Variants in TBL1XR1 observed in about 807,000 individuals in gnomAD.
TBL1XR1 encodes the protein TBL1X/Y related 1, also known as F-box-like/WD repeat-containing protein TBL1XR1.
TBL1XR1 carries 5 observed loss-of-function variants against 66.9 expected under a neutral mutation model. That is an observed-to-expected ratio of 0.07 (90% CI 0.04 to 0.16). TBL1XR1 has a LOEUF of 0.16. TBL1XR1 is among the 10% of genes least tolerant of loss of function. TBL1XR1 has a pLI of 1.00. For synonymous variants in TBL1XR1, 210 were observed against 206.0 expected (o/e 1.02, Z -0.17); for missense variants, 238 against 623.2 (o/e 0.38, Z 6.58).
intron 1 of TBL1XR1, chr3:177,131,509 T>TA: frequency 3.7e-6 from 1 of 267,726 alleles, no homozygotes; most frequent in Non-Finnish European, 4.9e-6. Flanking sequence ...ATTCTGAATA[T>TA]CTTTTTTTTT....
chr3:177,138,580 A>G (rs777379938), intron 1 of TBL1XR1, among the ~76,000 whole-genome samples: 6 of 149,782 alleles, frequency 4.0e-5, no homozygotes, highest in Non-Finnish European at 5.9e-5. Context: ...TGACAGAGCA[A>G]GACCCTGTCT....
chr3:177,069,800 GGAAGGAA>G (rs1453503973), intron 2 of TBL1XR1, among the ~76,000 whole-genome samples: 5 of 92,292 alleles, frequency 5.4e-5, no homozygotes, highest in Non-Finnish European at 1.2e-4. Context: ...AGGAAAGGAA[GGAAGGAA>G]GGAAGGAAGG....
upstream of TBL1XR1, among the ~76,000 whole-genome samples, chr3:177,198,898 ACACACACACTACT>A (rs1286193690): frequency 5.4e-5 from 6 of 110,426 alleles, no homozygotes; most frequent in African/African-American, 1.9e-4. Context: ...ACACACACAC[ACACACACACTACT>A]CGTAACTTGC....
At chr3:177,070,353 T>C (rs193202468) in intron 2 of TBL1XR1, among the ~76,000 whole-genome samples, 19 of 152,202 alleles carry the variant, frequency 1.2e-4, no homozygotes, top group Middle Eastern at 6.8e-3. Context: ...TAGGAAATAA[T>C]AAATATGTAT....
At chr3:177,055,605 A>T (rs1577040610) in intron 3 of TBL1XR1, among the ~76,000 whole-genome samples, 1 of 152,180 alleles carries the variant, frequency 6.6e-6, no homozygotes, top group East Asian at 1.9e-4. Flanking sequence ...TGTCCCTATC[A>T]GGAAGCCCAC....
At position 177,118,632 on chromosome 3, in the gene TBL1XR1, T is replaced by C. The variant is rs966163296; in HGVS notation, c.-121-20091A>G. 2.3e-4 allele frequency among the ~76,000 whole-genome samples: 35 copies of C among 152,230 alleles called. 1 individual carries two copies. The highest frequency in any genetic ancestry group is 5.9e-5 in the Non-Finnish European group (4 of 68,028). ...TTGCATGTAATGCTGTCAAATATCA[T>C]AGTTCTTCATTCATTTAATAACTAG... On this transcript the variant is annotated intron_variant, in intron 1 of 15. Transcript: ENST00000457928.
intron 2 of TBL1XR1, among the ~76,000 whole-genome samples, chr3:177,066,398 G>A (rs1000604329): frequency 4.6e-5 from 7 of 152,042 alleles, no homozygotes; most frequent in East Asian, 3.9e-4. Context: ...ACTAAAGGAG[G>A]GGCACGAAAA....
chr3:177,095,700 G>A (rs984274380), intron 2 of TBL1XR1, among the ~76,000 whole-genome samples: 5 of 152,026 alleles, frequency 3.3e-5, no homozygotes, highest in African/African-American at 7.2e-5. Context: ...GGCTGGTCTC[G>A]AATTCCTGAT....
intron 2 of TBL1XR1, among the ~76,000 whole-genome samples, chr3:177,083,689 G>T (rs1721734054): frequency 6.6e-6 from 1 of 152,052 alleles, no homozygotes; most frequent in Admixed American, 6.5e-5. Context: ...CATATTTGTT[G>T]TTAATACATC....
intron 1 of TBL1XR1, among the ~76,000 whole-genome samples, chr3:177,171,743 G>GA (rs1203325385): frequency 1.9e-3 from 262 of 140,022 alleles, no homozygotes; most frequent in African/African-American, 6.3e-3. Flanking sequence ...CTGTGATTCC[G>GA]AAAAAAGAAA....
rs908162634 is a variant in TBL1XR1 at position 177,020,588 on chromosome 3, TG to T, written c.*4909del. ...GTGTTATAGGTTATGAAGGCTAACT[TG>T]GAAAAAAAGGTTTATTCTACAATAG... is the stretch of plus-strand genomic sequence containing the variant. On this transcript the variant is annotated 3_prime_UTR_variant, in exon 16 of 16. Transcript: ENST00000457928. 4 of 151,946 alleles carry T rather than the reference TG, an allele frequency of 2.6e-5. No individual in the cohort carries two copies. Among genetic ancestry groups the T allele is most frequent in the African/African-American group, 9.7e-5 (4 of 41,372 alleles). 9.4% of individuals were successfully genotyped at this position (151,946 alleles called of 1,614,324 possible).
At chr3:177,167,041 T>G (rs1327193189) in intron 1 of TBL1XR1, among the ~76,000 whole-genome samples, 1 of 152,194 alleles carries the variant, frequency 6.6e-6, no homozygotes, top group Non-Finnish European at 1.5e-5. Flanking sequence ...CAAAAACCGG[T>G]ACGTGGATGT....
At chr3:177,088,830 T>A (rs1722476803) in intron 2 of TBL1XR1, among the ~76,000 whole-genome samples, 1 of 152,292 alleles carries the variant, frequency 6.6e-6, no homozygotes, top group East Asian at 1.9e-4. Context: ...TGAAAATGGT[T>A]CACACAATAT....
chr3:177,168,724 T>C (rs958273037), intron 1 of TBL1XR1, among the ~76,000 whole-genome samples: 3 of 152,224 alleles, frequency 2.0e-5, no homozygotes, highest in South Asian at 4.1e-4. Flanking sequence ...TTTAATGCTA[T>C]AATAAACATA....
chr3:177,120,505 C>T (rs189906190), intron 1 of TBL1XR1, among the ~76,000 whole-genome samples: 10 of 152,252 alleles, frequency 6.6e-5, no homozygotes, highest in Admixed American at 6.5e-4. Flanking sequence ...ACATTATTTC[C>T]CACACTAATC....
chr3:177,126,918 C>T (rs936369275), intron 1 of TBL1XR1, among the ~76,000 whole-genome samples: 1 of 151,838 alleles, frequency 6.6e-6, no homozygotes, highest in Non-Finnish European at 1.5e-5. Context: ...ATTTAACCAT[C>T]TAAGTTTAGG....
At chr3:177,106,230 G>C (rs1345202411) in intron 1 of TBL1XR1, among the ~76,000 whole-genome samples, 1 of 152,118 alleles carries the variant, frequency 6.6e-6, no homozygotes, top group Non-Finnish European at 1.5e-5. Flanking sequence ...TTAAGTAGTA[G>C]GCAGAAGTTA....
chr3:177,197,552 C>A (rs918162129), upstream of TBL1XR1, among the ~76,000 whole-genome samples: 5 of 145,404 alleles, frequency 3.4e-5, no homozygotes, highest in Non-Finnish European at 6.1e-5. Context: ...CACAAATGAG[C>A]TCGCGAGGCC....
chr3:177,184,921 A>G (rs1263564277), intron 1 of TBL1XR1, among the ~76,000 whole-genome samples: 2 of 152,242 alleles, frequency 1.3e-5, no homozygotes, highest in Admixed American at 6.5e-5. Context: ...AAAAATGAAA[A>G]TAAGTGTTTA....
Sources: allele counts gnomAD v4.1 joint callset (sites outside exome capture counted in the v4.1 genomes callset), GRCh38; gene constraint gnomAD v4.1.1; transcripts MANE v1.5; gene names NCBI Gene and HGNC (gene_info 2026-07-23, HGNC 2026-07-21).